The following CTIF variants were observed in gnomAD, a reference collection of about 807,000 sequenced individuals.
The protein encoded by CTIF is cap binding complex dependent translation initiation factor.
Under a neutral mutation model 66.0 loss-of-function variants are expected in CTIF, and 21 were observed. The observed-to-expected ratio is 0.32, with a 90% confidence interval of 0.23 to 0.46. The LOEUF (loss-of-function observed/expected upper bound fraction) is 0.46. Ranked by LOEUF, CTIF falls within the 20% of genes least tolerant of loss-of-function variation. CTIF has a pLI of 1.00. For synonymous variants in CTIF, 345 were observed against 326.4 expected (o/e 1.06, Z -0.62); for missense variants, 739 against 812.7 (o/e 0.91, Z 1.10).
intron 10 of CTIF, among the ~76,000 whole-genome samples, chr18:48,817,902 G>T (rs2146332892): frequency 6.6e-6 from 1 of 152,336 alleles, no homozygotes; most frequent in Middle Eastern, 3.4e-3. Context: ...TTCCCCCGTG[G>T]GGTGTTGTGA....
chr18:48,734,835 T>C (rs1344026640), intron 7 of CTIF, among the ~76,000 whole-genome samples: 2 of 152,192 alleles, frequency 1.3e-5, no homozygotes, highest in Non-Finnish European at 2.9e-5. Flanking sequence ...AAGCCTAGAC[T>C]GAGCCAGGCA....
intron 1 of CTIF, chr18:48,567,522 G>A (rs942600450): frequency 1.3e-5 from 2 of 152,192 alleles, no homozygotes; most frequent in Admixed American, 6.5e-5. Context: ...CAGGGACGAC[G>A]ATAGTTGAGT....
chr18:48,619,497 C>T, intron 1 of CTIF, 41 bp from the exon 2 acceptor site: 2 of 1,307,344 alleles, frequency 1.5e-6, no homozygotes, highest in Non-Finnish European at 2.0e-6. Context: ...TCGTCTCCTC[C>T]AGCAGCGTCT....
chr18:48,661,878 C>G (rs299749), intron 3 of CTIF: 31,402 of 152,086 alleles, frequency 0.21, 3,513 homozygotes, highest in African/African-American at 0.27. Flanking sequence ...AGTTTATTGA[C>G]GCAAAAAGAA....
At chr18:48,859,187 C>CA (rs978719407) in intron 11 of CTIF, among the ~76,000 whole-genome samples, 157 bp from the exon 12 acceptor site, 9 of 152,200 alleles carry the variant, frequency 5.9e-5, no homozygotes, top group African/African-American at 2.2e-4. Flanking sequence ...CTCCACCTTC[C>CA]ACTCTCCCTG....
intron 1 of CTIF, among the ~76,000 whole-genome samples, chr18:48,606,710 T>A (rs2090208429): frequency 6.6e-6 from 1 of 152,140 alleles, no homozygotes; most frequent in Non-Finnish European, 1.5e-5. Flanking sequence ...GGAGTGGAGC[T>A]CTGGGACCCT....
intron 7 of CTIF, among the ~76,000 whole-genome samples, chr18:48,718,260 C>T (rs1045037755): frequency 6.6e-6 from 1 of 152,118 alleles, no homozygotes; most frequent in Non-Finnish European, 1.5e-5. Context: ...ACTGTGTATA[C>T]CTAGCTACAG....
At chr18:48,752,207 C>T (rs938869343) in intron 7 of CTIF, among the ~76,000 whole-genome samples, 3 of 152,196 alleles carry the variant, frequency 2.0e-5, no homozygotes, top group African/African-American at 7.2e-5. Flanking sequence ...GCCACAAAAT[C>T]TATTGGAGTG....
chr18:48,772,678 T>C (rs540031865), intron 9 of CTIF, among the ~76,000 whole-genome samples: 5 of 152,364 alleles, frequency 3.3e-5, no homozygotes, highest in African/African-American at 4.8e-5. Context: ...TTCTTTTTCA[T>C]GGCTGACTAA....
rs1429322454 is a variant in CTIF at position 48,663,836 on chromosome 18, C to A, written c.326+11C>A. 2.5e-6 allele frequency: 4 copies of A among 1,613,170 alleles called. No individual in the cohort carries two copies. The highest frequency in any genetic ancestry group is 2.7e-5 in the African/African-American group (2 of 74,914). On this transcript the variant is annotated intron_variant, in intron 4 of 11. Coordinates refer to ENST00000256413, the MANE Select transcript of CTIF (RefSeq NM_014772.3). ...CTTCGATTCCTTCAGGTAACCTCCT[C>A]CTCCCTCCTTCCCTGTGGTGTGAGG... is the stretch of plus-strand genomic sequence containing the variant.
intron 2 of CTIF, among the ~76,000 whole-genome samples, chr18:48,624,866 A>AT (rs2090565926): frequency 6.6e-6 from 1 of 152,206 alleles, no homozygotes; most frequent in African/African-American, 2.4e-5. Flanking sequence ...AATTCTTGTT[A>AT]AGGGGTCAAA....
intron 10 of CTIF, among the ~76,000 whole-genome samples, chr18:48,825,496 C>T (rs1208917120): frequency 6.6e-6 from 1 of 152,224 alleles, no homozygotes; most frequent in African/African-American, 2.4e-5. Flanking sequence ...CATTCAATTG[C>T]TCACATTGTT....
intron 7 of CTIF, among the ~76,000 whole-genome samples, chr18:48,718,286 T>C (rs887598927): frequency 6.6e-6 from 1 of 152,200 alleles, no homozygotes; most frequent in African/African-American, 2.4e-5. Context: ...AACACTTTTG[T>C]TGCATTATTC....
intron 7 of CTIF, among the ~76,000 whole-genome samples, chr18:48,751,662 C>T (rs1907827691): frequency 6.6e-6 from 1 of 152,160 alleles, no homozygotes; most frequent in East Asian, 1.9e-4. Flanking sequence ...GTCTGGAGGG[C>T]TCGGGCAGGA....
At chr18:48,601,016 C>T (rs1339327643) in intron 1 of CTIF, among the ~76,000 whole-genome samples, 3 of 152,204 alleles carry the variant, frequency 2.0e-5, no homozygotes, top group East Asian at 1.9e-4. Context: ...TGCTCTCCTA[C>T]GTGTTGGGTA....
chr18:48,787,699 C>T (rs55970511), intron 9 of CTIF, among the ~76,000 whole-genome samples: 52,191 of 152,090 alleles, frequency 0.34, 9,143 homozygotes, highest in Admixed American at 0.45. Context: ...ATCTCCCAGA[C>T]GGCTGCCTCT....
At chr18:48,629,153 G>GT (rs982072703) in intron 2 of CTIF, among the ~76,000 whole-genome samples, 2 of 152,118 alleles carry the variant, frequency 1.3e-5, no homozygotes, top group Non-Finnish European at 2.9e-5. Flanking sequence ...CCTGGCACAG[G>GT]TTTTACACAC....
At chr18:48,589,630 C>G (rs185900645) in intron 1 of CTIF, among the ~76,000 whole-genome samples, 1 of 152,190 alleles carries the variant, frequency 6.6e-6, no homozygotes, top group Non-Finnish European at 1.5e-5. Context: ...AGAGAGGGAC[C>G]GTGAGGTGTG....
intron 7 of CTIF, among the ~76,000 whole-genome samples, chr18:48,721,320 G>A (rs553373320): frequency 4.1e-4 from 62 of 152,210 alleles, no homozygotes; most frequent in Non-Finnish European, 6.0e-4. Flanking sequence ...CAAGGTCTGC[G>A]TCTAGGATGG....
Sources: allele counts gnomAD v4.1 joint callset (sites outside exome capture counted in the v4.1 genomes callset), GRCh38; gene constraint gnomAD v4.1.1; transcripts MANE v1.5; gene names NCBI Gene and HGNC (gene_info 2026-07-23, HGNC 2026-07-21).